STIM1: variants seen among roughly 807,000 people sequenced by gnomAD.
STIM1 encodes stromal interaction molecule 1.
In STIM1, 25 loss-of-function variants were observed where a neutral mutation model predicts 74.7. That is an observed-to-expected ratio of 0.33 (90% CI 0.24 to 0.47). STIM1 has a LOEUF of 0.47. STIM1 is among the 20% of genes least tolerant of loss of function. The pLI is 1.00. For missense variants in STIM1, 728 were observed against 920.8 expected (o/e 0.79, Z 2.71); for synonymous variants, 328 against 348.8 (o/e 0.94, Z 0.66).
intron 2 of STIM1, among the ~76,000 whole-genome samples, chr11:3,991,445 A>T (rs542379147): frequency 6.6e-6 from 1 of 151,678 alleles, no homozygotes; most frequent in East Asian, 2.0e-4. Flanking sequence ...TGCTGGTATT[A>T]CAGGCGTGAA....
chr11:3,921,533 G>A (rs1461942780), intron 1 of STIM1, among the ~76,000 whole-genome samples: 2 of 152,178 alleles, frequency 1.3e-5, no homozygotes, highest in Admixed American at 1.3e-4. Flanking sequence ...GCACACTGGA[G>A]GCCTTGGTAA....
chr11:3,950,742 C>CA (rs1475080870), intron 1 of STIM1, among the ~76,000 whole-genome samples: 1 of 152,190 alleles, frequency 6.6e-6, no homozygotes, highest in Non-Finnish European at 1.5e-5. Context: ...CTTCCTGCCT[C>CA]AGCCTCCTGA....
At chr11:3,956,820 C>T (rs1295974345) in intron 1 of STIM1, among the ~76,000 whole-genome samples, 20 of 58,508 alleles carry the variant, frequency 3.4e-4, no homozygotes, top group Non-Finnish European at 6.8e-4. Context: ...AAGACCCTGT[C>T]TCCAAAAAAA....
chr11:3,880,268 G>A (rs1479885957), intron 1 of STIM1, among the ~76,000 whole-genome samples: 1 of 152,196 alleles, frequency 6.6e-6, no homozygotes, highest in Non-Finnish European at 1.5e-5. Flanking sequence ...AGTTTAAGGT[G>A]CCTGAAGGGC....
At chr11:4,055,907 A>G (rs970281446) in intron 4 of STIM1, among the ~76,000 whole-genome samples, 8 of 152,262 alleles carry the variant, frequency 5.3e-5, no homozygotes, top group African/African-American at 1.9e-4. Flanking sequence ...CAGGCATTCT[A>G]CTCAACACTG....
At chr11:4,083,642 A>G (rs573262286) in intron 10 of STIM1, 144 bp downstream of exon 10, 15 of 772,126 alleles carry the variant, frequency 1.9e-5, no homozygotes, top group South Asian at 9.4e-5. Flanking sequence ...ATAAAGCACA[A>G]TTTACTCAGG....
rs540777828 is a variant in STIM1 at position 4,054,550 on chromosome 11, G to A, written c.386-976G>A. Among the ~76,000 whole-genome samples, 574 of 152,202 alleles carry A rather than the reference G, an allele frequency of 3.8e-3. 5 individuals are homozygous for A. Among genetic ancestry groups the A allele is most frequent in the South Asian group, 0.019 (93 of 4,814 alleles). ...TGGCATTAGATCCTCATAGGAGTGC[G>A]AACCCTATTATGAACTGCACATGTG... On this transcript the variant is annotated intron_variant, in intron 3 of 12. Transcript: ENST00000526596.
chr11:4,002,179 G>A (rs1384300609), intron 2 of STIM1, among the ~76,000 whole-genome samples: 2 of 146,936 alleles, frequency 1.4e-5, no homozygotes, highest in Non-Finnish European at 3.0e-5. Context: ...ACAGATCAAC[G>A]AGACAGAAAG....
Position 3,944,287 on chromosome 11 carries a change from T to A in STIM1, c.140-23265T>A, listed in dbSNP as rs115169722. ...AATTCTTTAATTGCCATTTAAAGAT[T>A]TGTATGCTGTGGATGAGCTGATGGA... On this transcript the variant is annotated intron_variant, in intron 1 of 12. Transcript: ENST00000526596. Among the ~76,000 whole-genome samples, 160 of 152,328 alleles carry A rather than the reference T, an allele frequency of 1.1e-3. 1 individual carries two copies. Among genetic ancestry groups the A allele is most frequent in the African/African-American group, 3.7e-3 (153 of 41,578 alleles).
At chr11:3,883,343 AT>A (rs2091586673) in intron 1 of STIM1, among the ~76,000 whole-genome samples, 2 of 151,254 alleles carry the variant, frequency 1.3e-5, no homozygotes, top group Admixed American at 1.3e-4. Context: ...ATGGGACACC[AT>A]TTTTTTTGTT....
chr11:4,070,130 C>T lies in STIM1; in HGVS notation c.718C>T (p.His240Tyr), dbSNP rs757090235. The change falls in exon 6 of 13, where the codon CAC becomes TAC. Residue 240 changes from histidine to tyrosine, a missense_variant. This residue lies in a region of STIM1 where 132 missense variants were observed against 158.2 expected (regional missense o/e 0.83). Transcript: ENST00000526596. ...TATCCAGAACCGTTACTCCAAGGAG[C>T]ACATGAAGAAGATGATGAAGGACTT... ...AYIQNRYSKE[H>Y]MKKMMKDLEG... 6.2e-7 allele frequency: 1 copy of T among 1,614,150 alleles called. No homozygotes were observed. The highest frequency in any genetic ancestry group is 1.7e-5 in the Admixed American group (1 of 60,024).
intron 8 of STIM1, 122 bp from the exon 9 acceptor site, chr11:4,082,760 C>G: frequency 2.6e-6 from 2 of 779,642 alleles, no homozygotes; most frequent in Admixed American, 2.4e-5. Context: ...TTTCTCTTCC[C>G]TTTCCTTGTA....
At chr11:3,982,036 T>G (rs931855692) in intron 2 of STIM1, among the ~76,000 whole-genome samples, 7 of 152,184 alleles carry the variant, frequency 4.6e-5, no homozygotes, top group Non-Finnish European at 1.0e-4. Context: ...TTTCTTTCTT[T>G]TTTGTTTTGA....
intron 1 of STIM1, among the ~76,000 whole-genome samples, chr11:3,888,650 G>A (rs1220873708): frequency 2.0e-5 from 3 of 152,034 alleles, no homozygotes; most frequent in African/African-American, 4.8e-5. Context: ...GGATTTTCCT[G>A]CCTAAGCCTG....
chr11:4,018,000 A>C (rs1390076058), intron 2 of STIM1, among the ~76,000 whole-genome samples: 1 of 152,248 alleles, frequency 6.6e-6, no homozygotes, highest in Non-Finnish European at 1.5e-5. Context: ...TCTCAGAGTG[A>C]AAAATCAAAG....
chr11:3,928,902 A>C (rs2092823462), intron 1 of STIM1, among the ~76,000 whole-genome samples: 1 of 151,914 alleles, frequency 6.6e-6, no homozygotes, highest in South Asian at 2.1e-4. Flanking sequence ...ACTCTCACTC[A>C]CTCTGTAGCC....
intron 1 of STIM1, among the ~76,000 whole-genome samples, chr11:3,953,659 C>T (rs2093176098): frequency 6.6e-6 from 1 of 152,206 alleles, no homozygotes; most frequent in South Asian, 2.1e-4. Flanking sequence ...CTTTGAGGCC[C>T]TCCAAATCCC....
intron 1 of STIM1, among the ~76,000 whole-genome samples, chr11:3,857,457 C>T (rs531519099): frequency 1.3e-5 from 2 of 151,890 alleles, no homozygotes; most frequent in African/African-American, 2.4e-5. Context: ...TGAACAGACA[C>T]TGTCTCTCTG....
intron 1 of STIM1, among the ~76,000 whole-genome samples, chr11:3,912,772 A>G (rs532633082): frequency 6.6e-6 from 1 of 152,360 alleles, no homozygotes; most frequent in African/African-American, 2.4e-5. Flanking sequence ...ATTTAATGAT[A>G]GAACACCTGA....
Sources: allele counts gnomAD v4.1 joint callset (sites outside exome capture counted in the v4.1 genomes callset), GRCh38; gene constraint gnomAD v4.1.1; regional missense constraint gnomAD v4.1.1; transcripts MANE v1.5; gene names NCBI Gene and HGNC (gene_info 2026-07-23, HGNC 2026-07-21).